Variants in ELL observed in about 807,000 individuals in gnomAD.
The protein encoded by ELL is RNA polymerase II elongation factor ELL.
A neutral mutation model predicts 64.0 loss-of-function variants in ELL; 18 were observed. The observed-to-expected ratio is 0.28, with a 90% CI of 0.19 to 0.42. The LOEUF (loss-of-function observed/expected upper bound fraction) is 0.42, where lower values mean the gene tolerates loss of function less well. ELL is among the 10% of genes least tolerant of loss of function. The pLI is 1.00. For synonymous variants in ELL, 399 were observed against 376.2 expected (o/e 1.06, Z -0.70); for missense variants, 797 against 870.4 (o/e 0.92, Z 1.06).
chr19:18,509,430 T>C (rs1440054867), intron 1 of ELL, among the ~76,000 whole-genome samples: 1 of 151,226 alleles, frequency 6.6e-6, no homozygotes, highest in Non-Finnish European at 1.5e-5. Flanking sequence ...TGGTGGGGAG[T>C]CACCCTTCCG....
intron 11 of ELL, 121 bp from the exon 12 acceptor site, chr19:18,444,989 T>G: frequency 8.3e-7 from 1 of 1,199,376 alleles, no homozygotes; most frequent in Non-Finnish European, 1.2e-6. Context: ...AGGAGGGTTG[T>G]GGTCCAAGGG....
intron 1 of ELL, among the ~76,000 whole-genome samples, chr19:18,516,181 G>C (rs1337374882): frequency 6.6e-6 from 1 of 152,070 alleles, no homozygotes; most frequent in African/African-American, 2.4e-5. Context: ...CGGTGCCAAG[G>C]GTGACATCCA....
chr19:18,519,275 G>A (rs1976201538), intron 1 of ELL, among the ~76,000 whole-genome samples: 1 of 151,738 alleles, frequency 6.6e-6, no homozygotes, highest in Non-Finnish European at 1.5e-5. Context: ...CTCTCCACAA[G>A]TTGCAATTGG....
rs144098433 is a variant in ELL at position 18,503,125 on chromosome 19, G to A, written c.135+18796C>T. 2.7e-3 allele frequency among the ~76,000 whole-genome samples: 414 copies of A among 152,316 alleles called. 4 individuals carry two copies. Among genetic ancestry groups the A allele is most frequent in the African/African-American group, 9.6e-3 (397 of 41,540 alleles). On this transcript the variant is annotated intron_variant, in intron 1 of 11. Transcript: ENST00000262809. Reference sequence around the variant, plus strand: ...ACAGGAACCTGGCTTAAAAAGAAAAGGGAACTCGCACTGTGCCAGGCTGGC... The same window carrying A: ...ACAGGAACCTGGCTTAAAAAGAAAAAGGAACTCGCACTGTGCCAGGCTGGC...
rs1289386236 is a variant in ELL, at chr19:18,442,703, C to G, written c.*2049G>C. 5.2e-6 allele frequency: 1 copy of G among 192,680 alleles called. No individual in the cohort carries two copies. Among genetic ancestry groups the G allele is most frequent in the East Asian group, 8.1e-5 (1 of 12,352 alleles). The allele number at this position is 192,680 out of a possible 1,614,324, so 11.9% of individuals were successfully genotyped here. On this transcript the variant is annotated 3_prime_UTR_variant, in exon 12 of 12. Coordinates refer to ENST00000262809, the MANE Select transcript of ELL (RefSeq NM_006532.4). Reference sequence around the variant, plus strand: ...TTTATTGGAGAATGAAAAAAGTCAGCATTCACCTGTTTAGTGTACAAAAAG... The same window carrying G: ...TTTATTGGAGAATGAAAAAAGTCAGGATTCACCTGTTTAGTGTACAAAAAG...
intron 1 of ELL, among the ~76,000 whole-genome samples, chr19:18,480,452 CCT>C (rs1975275674): frequency 1.3e-5 from 2 of 152,158 alleles, no homozygotes; most frequent in African/African-American, 4.8e-5. Flanking sequence ...CTGGTTCCAG[CCT>C]AGGGAACCAG....
At position 18,521,912 on chromosome 19, in the gene ELL, G is replaced by A; in HGVS notation, c.135+9C>T. On this transcript the variant is annotated intron_variant, in intron 1 of 11. Coordinates refer to ENST00000262809, the MANE Select transcript of ELL (RefSeq NM_006532.4). ...TCCCCACTGGCGCGCCGGGCGCCAT[G>A]CCACTCACCTGTCTGGCGCGGTAGC... 9.5e-6 allele frequency: 15 copies of A among 1,579,854 alleles called. No homozygotes were observed. Among genetic ancestry groups the A allele is most frequent in the Non-Finnish European group, 1.3e-5 (15 of 1,163,334 alleles).
intron 1 of ELL, among the ~76,000 whole-genome samples, chr19:18,491,913 T>C (rs1471153679): frequency 6.6e-6 from 1 of 152,118 alleles, no homozygotes; most frequent in Non-Finnish European, 1.5e-5. Context: ...AAAATAAAGA[T>C]GACTTTATAT....
At chr19:18,456,319 C>G (rs942364645) in intron 6 of ELL, among the ~76,000 whole-genome samples, 2 of 152,224 alleles carry the variant, frequency 1.3e-5, no homozygotes, top group African/African-American at 4.8e-5. Flanking sequence ...TGGACCAGCA[C>G]AGGGTTGGGG....
rs1454502371 is a variant in ELL, at chr19:18,450,618, T to A, written c.1324A>T (p.Ser442Cys). 6.2e-7 allele frequency: 1 copy of A among 1,610,438 alleles called. No individual in the cohort carries two copies. Among genetic ancestry groups the A allele is most frequent in the Admixed American group, 1.7e-5 (1 of 59,520 alleles). The change falls in exon 8 of 12, where the codon AGC (serine) becomes TGC (cysteine). Residue 442 changes from serine to cysteine, a missense_variant. By Grantham distance (112) the Ser-to-Cys change is moderately radical. Coordinates refer to ENST00000262809, the MANE Select transcript of ELL (RefSeq NM_006532.4). Reference protein sequence around the residue: ...DCAQPSRPHGSPSRSKPKKKS... With the variant: ...DCAQPSRPHGCPSRSKPKKKS... ...TTCTTGGGCTTGCTGCGCGAGGGGC[T>A]GCCGTGTGGCCTGCTGGGCTGGGCA...
intron 1 of ELL, among the ~76,000 whole-genome samples, chr19:18,480,474 G>C (rs922995787): frequency 1.2e-4 from 19 of 152,190 alleles, no homozygotes; most frequent in Admixed American, 4.6e-4. Flanking sequence ...GGTGGCCACG[G>C]TCAGGGCAGA....
intron 1 of ELL, among the ~76,000 whole-genome samples, chr19:18,505,301 G>A (rs1342082532): frequency 1.3e-5 from 2 of 152,214 alleles, no homozygotes; most frequent in Non-Finnish European, 2.9e-5. Flanking sequence ...TAGGACTGAA[G>A]ATAGCTTTTG....
At chr19:18,513,500 G>A (rs1054943613) in intron 1 of ELL, among the ~76,000 whole-genome samples, 6 of 152,182 alleles carry the variant, frequency 3.9e-5, no homozygotes, top group African/African-American at 1.2e-4. Context: ...ACAGAGGAGG[G>A]TGCAAAGGTG....
At chr19:18,482,527 G>A (rs954733083) in intron 1 of ELL, among the ~76,000 whole-genome samples, 2 of 151,366 alleles carry the variant, frequency 1.3e-5, no homozygotes, top group Non-Finnish European at 2.9e-5. Flanking sequence ...TAGTCGAGAC[G>A]GGTTTTCACC....
chr19:18,446,313 T>C lies in ELL; in HGVS notation c.1700A>G (p.Tyr567Cys). 1 of 1,581,058 alleles carries C rather than the reference T, an allele frequency of 6.3e-7. No individual in the cohort carries two copies. ...TAGGCAGCGGGGGGGCTCTACCTCA[T>C]ACTCCTCGGAGCCCTGGGAGAGCTG... Reference protein sequence around the residue: ...LRQLSQGSEEYETTRGQILQE... With the variant: ...LRQLSQGSEECETTRGQILQE... The change falls in exon 10 of 12, where the codon TAT becomes TGT. Residue 567 changes from tyrosine to cysteine, a missense_variant. Physicochemically the swap from Tyr to Cys is radical, Grantham distance 194. Transcript: ENST00000262809.
intron 1 of ELL, among the ~76,000 whole-genome samples, chr19:18,489,028 G>A (rs182825010): frequency 2.2e-4 from 33 of 152,358 alleles, no homozygotes; most frequent in African/African-American, 7.7e-4. Context: ...GGGGTGTGGA[G>A]GAGCCTTGCC....
At chr19:18,483,063 G>T (rs769710090) in intron 1 of ELL, among the ~76,000 whole-genome samples, 9 of 152,074 alleles carry the variant, frequency 5.9e-5, no homozygotes, top group Non-Finnish European at 1.3e-4. Flanking sequence ...TTATAAGCGT[G>T]AGCCATCACA....
At chr19:18,463,985 C>CA (rs35433498) in intron 4 of ELL, among the ~76,000 whole-genome samples, 41,055 of 138,622 alleles carry the variant, frequency 0.3, 6,691 homozygotes, top group African/African-American at 0.47. Context: ...GACTCCATCT[C>CA]AAAAAAAAAA....
chr19:18,476,788 A>G (rs1276293501), intron 1 of ELL, among the ~76,000 whole-genome samples: 1 of 152,178 alleles, frequency 6.6e-6, no homozygotes, highest in Non-Finnish European at 1.5e-5. Context: ...GCAGGAGACC[A>G]GGCCCTTGTT....
Sources: gnomAD v4.1 joint callset for allele counts (sites outside exome capture counted in the v4.1 genomes callset) on GRCh38, gnomAD v4.1.1 for gene constraint, MANE v1.5 for transcripts, NCBI Gene and HGNC (gene_info 2026-07-23, HGNC 2026-07-21) for gene names.